WDFY3: variants seen among roughly 807,000 people sequenced by gnomAD.
WDFY3 encodes the protein WD repeat and FYVE domain containing 3.
A neutral mutation model predicts 409.6 loss-of-function variants in WDFY3; 66 were observed. The ratio of observed to expected loss-of-function variants is 0.16; its 90% CI spans 0.13 to 0.20. WDFY3 has a LOEUF of 0.20. Ranked by LOEUF, WDFY3 falls within the 10% of genes least tolerant of loss-of-function variation. WDFY3 has a pLI of 1.00. For missense variants in WDFY3, 3,031 were observed against 4,298.1 expected (o/e 0.71, Z 8.24); for synonymous variants, 1,521 against 1,537.1 (o/e 0.99, Z 0.25).
intron 26 of WDFY3, among the ~76,000 whole-genome samples, chr4:84,779,441 C>G (rs1400182204): frequency 7.0e-6 from 1 of 143,480 alleles, no homozygotes; most frequent in Non-Finnish European, 1.5e-5. Context: ...TTTTTTGAGT[C>G]TTGCTCCTTC....
rs191551706 is a variant in WDFY3, at chr4:84,778,930, A to G, written c.4366-275T>C. Among the ~76,000 whole-genome samples the G allele has an allele frequency of 3.9e-5, 6 of 152,320 alleles. No homozygotes were observed. The East Asian group carries it at 1.2e-3, about 29-fold the overall frequency. On this transcript the variant is annotated intron_variant, in intron 26 of 67. Transcript: ENST00000295888. ...CATTTACCCTTTCAATTCCATTATA[A>G]ATATGTAAATAGTTACCAACGCGTG...
chr4:84,716,438 CA>C lies in WDFY3; in HGVS notation c.7875+457del, dbSNP rs549365469. ...TGGGTGACAGAGCAAGACTCCATCT[CA>C]AAAAAAAAAAAAAAAAAATGCAGAT... On this transcript the variant is annotated intron_variant, in intron 49 of 67. Coordinates refer to ENST00000295888, the MANE Select transcript of WDFY3 (RefSeq NM_014991.6). Among the ~76,000 whole-genome samples, 245 of 55,608 alleles carry C rather than the reference CA, an allele frequency of 4.4e-3. 2 individuals are homozygous for C. Among genetic ancestry groups the C allele is most frequent in the South Asian group, 6.5e-3 (10 of 1,538 alleles). 36.5% of individuals were successfully genotyped at this position (55,608 alleles called of 152,430 possible).
intron 50 of WDFY3, among the ~76,000 whole-genome samples, chr4:84,714,623 A>T (rs1460447101): frequency 6.6e-6 from 1 of 152,148 alleles, no homozygotes; most frequent in African/African-American, 2.4e-5. Context: ...TCATTTTGGT[A>T]AATACAAAGA....
At chr4:84,826,399 G>C (rs893849654) in intron 10 of WDFY3, among the ~76,000 whole-genome samples, 2 of 151,984 alleles carry the variant, frequency 1.3e-5, no homozygotes, top group Admixed American at 6.6e-5. Flanking sequence ...TTTTGGTATC[G>C]GCAGGGGGTC....
intron 61 of WDFY3, 42 bp from the exon 62 acceptor site, chr4:84,688,307 T>G (rs1207114544): frequency 5.3e-5 from 84 of 1,589,176 alleles, no homozygotes; most frequent in Non-Finnish European, 6.9e-5. Flanking sequence ...TTGATCTCAG[T>G]GACAGGGTTC....
Position 84,875,992 on chromosome 4 carries a change from G to T in WDFY3, c.-31-15370C>A, listed in dbSNP as rs1762733194. On this transcript the variant is annotated intron_variant, in intron 3 of 67. Coordinates refer to ENST00000295888, the MANE Select transcript of WDFY3 (RefSeq NM_014991.6). ...AAATAAAGATTAAAAGTATAGTATA[G>T]TAACTACATAAACCAGTAACATGGT... is the stretch of plus-strand genomic sequence containing the variant. 2.0e-5 allele frequency among the ~76,000 whole-genome samples: 3 copies of T among 152,138 alleles called. No homozygotes were observed. In the South Asian group the frequency reaches 6.2e-4, roughly 32 times the overall value.
intron 3 of WDFY3, among the ~76,000 whole-genome samples, chr4:84,867,629 C>T (rs1183180143): frequency 6.6e-6 from 1 of 152,108 alleles, no homozygotes; most frequent in Non-Finnish European, 1.5e-5. Flanking sequence ...AACTTGCTCA[C>T]CCAAAATCAT....
chr4:84,914,874 T>C (rs992958734), intron 2 of WDFY3, among the ~76,000 whole-genome samples: 2 of 152,196 alleles, frequency 1.3e-5, no homozygotes, highest in East Asian at 1.9e-4. Flanking sequence ...GAATTTTGTA[T>C]GCCAATGTTC....
At chr4:84,707,452 A>G (rs2148974786) in intron 53 of WDFY3, among the ~76,000 whole-genome samples, 2 of 152,262 alleles carry the variant, frequency 1.3e-5, no homozygotes, top group Middle Eastern at 6.8e-3. Flanking sequence ...GGACAGTAGG[A>G]AAAGTATAAT....
intron 1 of WDFY3, among the ~76,000 whole-genome samples, chr4:84,956,312 A>G (rs916739842): frequency 6.6e-6 from 1 of 152,210 alleles, no homozygotes; most frequent in African/African-American, 2.4e-5. Context: ...GAAAGCTGAA[A>G]GAATCCATGT....
At chr4:84,703,556 C>T (rs1399772092) in intron 55 of WDFY3, among the ~76,000 whole-genome samples, 1 of 152,204 alleles carries the variant, frequency 6.6e-6, no homozygotes. Flanking sequence ...CTATTCTGGA[C>T]ACACTGGCCC....
chr4:84,731,862 T>C (rs1736663750), intron 44 of WDFY3, among the ~76,000 whole-genome samples: 1 of 152,234 alleles, frequency 6.6e-6, no homozygotes, highest in African/African-American at 2.4e-5. Flanking sequence ...AACAGTGAGC[T>C]GGTCATATAT....
intron 22 of WDFY3, among the ~76,000 whole-genome samples, chr4:84,788,695 C>T (rs1275191853): frequency 6.6e-6 from 1 of 152,172 alleles, no homozygotes; most frequent in Non-Finnish European, 1.5e-5. Context: ...AACTTTAATT[C>T]ACACACAAGG....
Position 84,737,230 on chromosome 4 carries a change from C to T in WDFY3, c.6711G>A (p.Arg2237=). The T allele has an allele frequency of 6.2e-7, 1 of 1,614,068 alleles. No individual in the cohort carries two copies. Residue 2237 remains arginine (R), a synonymous_variant, in exon 41 of 68, where the codon AGG becomes AGA. Transcript: ENST00000295888. ...TCAGGGCAGCTTCTTCAATGAGTGG[C>T]CTTGCTGTAGCTATGTCCACGTGGC... ...ERGHVDIATA[R]PLIEEAALKC... is the part of the protein sequence containing the mutation.
intron 55 of WDFY3, 104 bp from the exon 56 acceptor site, chr4:84,702,610 C>A (rs905410274): frequency 1.4e-4 from 140 of 1,012,662 alleles, no homozygotes; most frequent in Non-Finnish European, 1.1e-4. Flanking sequence ...GGTGACATTT[C>A]AATTTCCCAT....
intron 36 of WDFY3, among the ~76,000 whole-genome samples, chr4:84,745,942 T>C (rs1183612062): frequency 6.6e-6 from 1 of 151,996 alleles, no homozygotes; most frequent in African/African-American, 2.4e-5. Context: ...TTTTTTCCAA[T>C]AGCTTGAGTC....
At chr4:84,736,421 T>C in intron 41 of WDFY3, 94 bp from the exon 42 acceptor site, 1 of 1,211,754 alleles carries the variant, frequency 8.3e-7, no homozygotes, top group Non-Finnish European at 1.1e-6. Flanking sequence ...TACAACCCTG[T>C]AGTTAACAAA....
chr4:84,843,602 T>A (rs561979673), intron 5 of WDFY3, among the ~76,000 whole-genome samples: 1 of 152,262 alleles, frequency 6.6e-6, no homozygotes, highest in South Asian at 2.1e-4. Flanking sequence ...TATCGCTGTG[T>A]TGCCCAGGCT....
At chr4:84,828,573 T>C (rs2149893769) in intron 9 of WDFY3, among the ~76,000 whole-genome samples, 1 of 152,308 alleles carries the variant, frequency 6.6e-6, no homozygotes, top group Non-Finnish European at 1.5e-5. Flanking sequence ...TAACTCTAAA[T>C]TCACTTTTCC....
Sources: gnomAD v4.1 joint callset for allele counts (sites outside exome capture counted in the v4.1 genomes callset) on GRCh38, gnomAD v4.1.1 for gene constraint, MANE v1.5 for transcripts, NCBI Gene and HGNC (gene_info 2026-07-23, HGNC 2026-07-21) for gene names.